Variants in RBM25 observed in about 807,000 individuals in gnomAD.
RBM25 encodes RNA binding motif protein 25, also known as RNA-binding protein 25.
A neutral mutation model predicts 120.7 loss-of-function variants in RBM25; 19 were observed. The ratio of observed to expected loss-of-function variants is 0.16; its 90% CI spans 0.11 to 0.23. RBM25 has a LOEUF of 0.23. RBM25 is among the 10% of genes least tolerant of loss of function. RBM25 has a pLI of 1.00. For missense variants in RBM25, 605 were observed against 1,041.5 expected (o/e 0.58, Z 5.77); for synonymous variants, 390 against 326.7 (o/e 1.19, Z -2.09).
chr14:73,076,232 A>T, intron 2 of RBM25, 87 bp from the exon 3 acceptor site: 1 of 1,058,058 alleles, frequency 9.5e-7, no homozygotes, highest in Non-Finnish European at 1.5e-6. Context: ...CACTTATGTT[A>T]ATTATGAGTA....
At chr14:73,112,271 C>T in intron 17 of RBM25, 21 bp downstream of exon 17, 1 of 1,537,014 alleles carries the variant, frequency 6.5e-7, no homozygotes, top group Non-Finnish European at 8.7e-7. Flanking sequence ...TATTCTCTTC[C>T]ATGCCAGCAT....
chr14:73,090,748 A>G (rs955270681), intron 6 of RBM25, among the ~76,000 whole-genome samples: 2 of 152,148 alleles, frequency 1.3e-5, no homozygotes, highest in African/African-American at 2.4e-5. Flanking sequence ...AAGGGTGATA[A>G]GTTTGTGGGC....
At chr14:73,071,450 T>C (rs537801826) in intron 1 of RBM25, among the ~76,000 whole-genome samples, 177 bp from the exon 2 acceptor site, 2 of 152,276 alleles carry the variant, frequency 1.3e-5, no homozygotes, top group Non-Finnish European at 2.9e-5. Context: ...TGGAAACTTA[T>C]TTTAGAAAAA....
intron 10 of RBM25, among the ~76,000 whole-genome samples, chr14:73,103,901 GTCTGTCTCTCTCTCTC>G (rs1473608981): frequency 2.8e-5 from 2 of 71,554 alleles, no homozygotes; most frequent in South Asian, 5.2e-4. Flanking sequence ...CTGTCTGTCT[GTCTGTCTCTCTCTCTC>G]TCTCTCTCTC....
At chr14:73,103,019 C>T (rs1250036208) in intron 9 of RBM25, 173 bp from the exon 10 acceptor site, 1 of 1,374,820 alleles carries the variant, frequency 7.3e-7, no homozygotes, top group Non-Finnish European at 9.9e-7. Flanking sequence ...TGCACGAAAT[C>T]TTTCTAGTCT....
intron 18 of RBM25, among the ~76,000 whole-genome samples, chr14:73,114,996 G>T (rs548955443): frequency 6.6e-6 from 1 of 152,236 alleles, no homozygotes; most frequent in Non-Finnish European, 1.5e-5. Context: ...CAAATGACCT[G>T]TAGTAGCAGA....
intron 6 of RBM25, 172 bp downstream of exon 6, chr14:73,088,333 C>A: frequency 1.2e-6 from 1 of 851,082 alleles, no homozygotes. Flanking sequence ...CTTATCTGCC[C>A]ATAGTGGGTG....
intron 6 of RBM25, 111 bp downstream of exon 6, chr14:73,088,272 G>A (rs1895735636): frequency 7.4e-7 from 1 of 1,360,018 alleles, no homozygotes; most frequent in African/African-American, 1.4e-5. Flanking sequence ...TCATGTATGT[G>A]CTTGTGGCTT....
At chr14:73,076,881 A>G (rs1455794064) in intron 3 of RBM25, among the ~76,000 whole-genome samples, 1 of 152,244 alleles carries the variant, frequency 6.6e-6, no homozygotes, top group Non-Finnish European at 1.5e-5. Flanking sequence ...GGAGTTCAAG[A>G]CTAGCCTGGC....
Position 73,122,283 on chromosome 14 carries a change from T to G in RBM25, c.*2478T>G, listed in dbSNP as rs569723442. ...TTTTTTTGTTGTTTTTTTGGGGTTT[T>G]TTTTTTTTTGAGAGGAAGTTGTGCT... On this transcript the variant is annotated 3_prime_UTR_variant, in exon 19 of 19. Transcript: ENST00000261973. The G allele has an allele frequency of 9.9e-5, 15 of 151,842 alleles. No individual in the cohort carries two copies. In the East Asian group the frequency reaches 2.7e-3, roughly 27 times the overall value. 9.4% of individuals were successfully genotyped at this position (151,842 alleles called of 1,614,324 possible).
chr14:73,071,605 TG>T (rs1895294622), intron 1 of RBM25, 21 bp from the exon 2 acceptor site: 1 of 1,480,684 alleles, frequency 6.8e-7, no homozygotes, highest in African/African-American at 1.4e-5. Context: ...TAAAATGATT[TG>T]TCATGTCCTT....
intron 6 of RBM25, among the ~76,000 whole-genome samples, chr14:73,090,471 C>G (rs962744576): frequency 6.6e-6 from 1 of 152,182 alleles, no homozygotes; most frequent in Non-Finnish European, 1.5e-5. Context: ...TTTTGCTTTG[C>G]TGGCATCTCA....
chr14:73,070,521 T>G (rs573011494), intron 1 of RBM25, among the ~76,000 whole-genome samples: 2 of 152,314 alleles, frequency 1.3e-5, no homozygotes, highest in South Asian at 4.1e-4. Context: ...ACTATCTGAC[T>G]GGAAGTCAGG....
At chr14:73,092,684 T>C (rs1178935910) in intron 6 of RBM25, among the ~76,000 whole-genome samples, 2 of 152,032 alleles carry the variant, frequency 1.3e-5, no homozygotes, top group Admixed American at 6.6e-5. Context: ...TAACTCGTCA[T>C]TTAACATTAG....
intron 6 of RBM25, among the ~76,000 whole-genome samples, chr14:73,093,807 A>C (rs939624632): frequency 6.7e-6 from 1 of 149,534 alleles, no homozygotes; most frequent in African/African-American, 2.5e-5. Context: ...GCACCCGGCC[A>C]TCTGGTTTCT....
chr14:73,071,537 A>G (rs1895293178), intron 1 of RBM25, 90 bp from the exon 2 acceptor site: 1 of 882,866 alleles, frequency 1.1e-6, no homozygotes, highest in Non-Finnish European at 1.8e-6. Context: ...AGAATTTTGC[A>G]GATACTCTAA....
At chr14:73,068,786 G>A (rs1895205715) in intron 1 of RBM25, among the ~76,000 whole-genome samples, 1 of 152,136 alleles carries the variant, frequency 6.6e-6, no homozygotes, top group Non-Finnish European at 1.5e-5. Flanking sequence ...ATGCTGGCCA[G>A]GATGGTCTCA....
intron 1 of RBM25, among the ~76,000 whole-genome samples, chr14:73,062,074 C>G (rs989037822): frequency 1.3e-5 from 2 of 151,282 alleles, no homozygotes; most frequent in African/African-American, 4.8e-5. Context: ...GTGCTGCAGC[C>G]CAGAACTCCA....
At chr14:73,109,096 T>G in intron 13 of RBM25, 1 of 263,826 alleles carries the variant, frequency 3.8e-6, no homozygotes, top group South Asian at 7.3e-5. Context: ...TTTACTTGTT[T>G]AGACACTTAT....
Sources: gnomAD v4.1 joint callset for allele counts (sites outside exome capture counted in the v4.1 genomes callset) on GRCh38, gnomAD v4.1.1 for gene constraint, MANE v1.5 for transcripts, NCBI Gene and HGNC (gene_info 2026-07-23, HGNC 2026-07-21) for gene names.